The following ZNF251 variants were observed in gnomAD, a reference collection of about 807,000 sequenced individuals.
ZNF251 encodes zinc finger protein 251.
In ZNF251, 14 loss-of-function variants were observed where a neutral mutation model predicts 13.5. The observed-to-expected ratio is 1.04, with a 90% CI of 0.69 to 1.63. The LOEUF is 1.63. ZNF251 is among the 40% of genes most tolerant of loss of function. The probability of loss-of-function intolerance (pLI) is 0.00; values close to 1 mark genes in which losing one functional copy is unlikely to be tolerated. For synonymous variants in ZNF251, 287 were observed against 295.2 expected, an observed-to-expected ratio of 0.97 and a Z score of 0.28; for missense variants, 764 against 834.9, an observed-to-expected ratio of 0.92 and a Z score of 1.05.
chr8:144,724,658 G>A (rs1055618289), intron 4 of ZNF251, among the ~76,000 whole-genome samples: 2 of 152,248 alleles, frequency 1.3e-5, no homozygotes, highest in Non-Finnish European at 2.9e-5. Flanking sequence ...TAATTGGGGG[G>A]AAACAAGGAA....
rs1334247504 is a variant in ZNF251 at position 144,722,376 on chromosome 8, T to C, written c.1284A>G (p.Thr428=). ...CATTACAAACATAGGGTTTTTCTCC[T>C]GTGTGAATCCTTACGTGTTCAGTAA... ...SHLTEHVRIH[T]GEKPYVCNEC... Residue 428 remains threonine, a synonymous_variant, in exon 5 of 5, where the codon ACA becomes ACG. Coordinates refer to ENST00000292562, the MANE Select transcript of ZNF251 (RefSeq NM_138367.2). This position sits in a 1 kb window ranked among gnomAD's most constrained non-coding sequence, Gnocchi z 4.8. 4 of 1,613,942 alleles carry C rather than the reference T, an allele frequency of 2.5e-6. No individual in the cohort carries two copies. Among genetic ancestry groups the C allele is most frequent in the Non-Finnish European group, 3.4e-6 (4 of 1,179,862 alleles).
chr8:144,737,893 G>C (rs28633146), intron 4 of ZNF251, among the ~76,000 whole-genome samples: 3 of 149,144 alleles, frequency 2.0e-5, no homozygotes, highest in Non-Finnish European at 4.4e-5. Context: ...ATAAAATACA[G>C]GGGCCGGTGC....
At chr8:144,751,163 T>C (rs1413590525) in intron 4 of ZNF251, among the ~76,000 whole-genome samples, 2 of 152,182 alleles carry the variant, frequency 1.3e-5, no homozygotes, top group Non-Finnish European at 2.9e-5. Flanking sequence ...CTCTCCAATT[T>C]TGAGAGCAGT....
chr8:144,748,163 T>C (rs1221903360), intron 4 of ZNF251, among the ~76,000 whole-genome samples: 2 of 152,054 alleles, frequency 1.3e-5, no homozygotes, highest in African/African-American at 4.8e-5. Context: ...AACCTCCATC[T>C]CCCAGGTTCA....
intron 4 of ZNF251, among the ~76,000 whole-genome samples, chr8:144,731,330 G>A (rs1823688416): frequency 6.6e-6 from 1 of 152,190 alleles, no homozygotes; most frequent in Non-Finnish European, 1.5e-5. Context: ...AAAAGTGTGT[G>A]TTTCCTCAAT....
At chr8:144,737,176 C>T (rs2129984988) in intron 4 of ZNF251, among the ~76,000 whole-genome samples, 1 of 152,234 alleles carries the variant, frequency 6.6e-6, no homozygotes, top group Non-Finnish European at 1.5e-5. Flanking sequence ...CAGCTCATGG[C>T]AGTCTTGACC....
chr8:144,747,099 G>A (rs1216709871), intron 4 of ZNF251, among the ~76,000 whole-genome samples: 1 of 152,144 alleles, frequency 6.6e-6, no homozygotes, highest in East Asian at 1.9e-4. Flanking sequence ...TGCAGTCAAT[G>A]CTATAAATTT....
At chr8:144,753,563 G>A (rs1824803746) in intron 4 of ZNF251, 120 bp downstream of exon 4, 1 of 696,710 alleles carries the variant, frequency 1.4e-6, no homozygotes, top group African/African-American at 1.8e-5. Context: ...CTGTATCTGT[G>A]AGACTGCCCC....
Position 144,754,798 on chromosome 8 carries a change from A to G in ZNF251, c.-70T>C, listed in dbSNP as rs1824880162. 24 of 1,576,148 alleles carry G rather than the reference A, an allele frequency of 1.5e-5. No individual in the cohort carries two copies. The South Asian group carries it at 1.9e-4, about 12-fold the overall frequency. On this transcript the variant is annotated 5_prime_UTR_variant, in exon 2 of 5. Coordinates refer to ENST00000292562, the MANE Select transcript of ZNF251 (RefSeq NM_138367.2). ...CTGCCCTGGCCTGAAGTCTCCCCGAACTTACCTTCAGTGGGGAGAACTCAG... is the reference window on the plus strand; with the variant it reads ...CTGCCCTGGCCTGAAGTCTCCCCGAGCTTACCTTCAGTGGGGAGAACTCAG...
At chr8:144,754,083 C>G in intron 3 of ZNF251, 109 bp downstream of exon 3, 1 of 1,436,038 alleles carries the variant, frequency 7.0e-7, no homozygotes, top group Non-Finnish European at 9.3e-7. Context: ...GACTGATACC[C>G]GGGGACAAGG....
In ZNF251 at chr8:144,731,127, C is replaced by T. The variant is rs149147848; in HGVS notation, c.278-7745G>A. On this transcript the variant is annotated intron_variant, in intron 4 of 4. Transcript: ENST00000292562. ...GGGTTCACTACACTGACGTCATCCA[C>T]GGGATGCCTGGGCCATGAGCTAAGG... Among the ~76,000 whole-genome samples, 911 of 152,334 alleles carry T rather than the reference C, an allele frequency of 6.0e-3. 7 individuals are homozygous for T. The highest frequency in any genetic ancestry group is 0.021 in the African/African-American group (859 of 41,568).
intron 4 of ZNF251, among the ~76,000 whole-genome samples, chr8:144,732,949 G>T (rs1369721851): frequency 8.6e-5 from 13 of 151,282 alleles, no homozygotes; most frequent in Non-Finnish European, 1.9e-4. Context: ...AGGCCAGGCG[G>T]GGTGGCTCAC....
chr8:144,738,897 T>C (rs1824026685), intron 4 of ZNF251, among the ~76,000 whole-genome samples: 1 of 152,086 alleles, frequency 6.6e-6, no homozygotes, highest in Admixed American at 6.6e-5. Flanking sequence ...CCTAAGGGCT[T>C]CCTCACTTTA....
At chr8:144,737,556 CAGT>C (rs1823951612) in intron 4 of ZNF251, among the ~76,000 whole-genome samples, 1 of 151,620 alleles carries the variant, frequency 6.6e-6, no homozygotes, top group Non-Finnish European at 1.5e-5. Context: ...AGGCTGGGCG[CAGT>C]GGCTCACACC....
At chr8:144,748,079 A>G (rs949633518) in intron 4 of ZNF251, among the ~76,000 whole-genome samples, 1 of 142,548 alleles carries the variant, frequency 7.0e-6, no homozygotes, top group Non-Finnish European at 1.5e-5. Context: ...TGACAACCTC[A>G]CTTTTTTTTT....
intron 4 of ZNF251, among the ~76,000 whole-genome samples, chr8:144,733,240 GT>G (rs897165348): frequency 2.0e-4 from 31 of 152,064 alleles, no homozygotes; most frequent in Admixed American, 1.4e-3. Flanking sequence ...AAACAAAAAT[GT>G]TGATAAAATA....
chr8:144,728,232 C>T (rs1460463712), intron 4 of ZNF251, among the ~76,000 whole-genome samples: 2 of 152,094 alleles, frequency 1.3e-5, no homozygotes, highest in African/African-American at 4.8e-5. Context: ...TAGGGAATGG[C>T]TGATCAGTGG....
chr8:144,723,170 C>CT lies in ZNF251; in HGVS notation c.489dup (p.Val164SerfsTer21). 6.2e-7 allele frequency: 1 copy of CT among 1,612,518 alleles called. No individual in the cohort carries two copies. The highest frequency in any genetic ancestry group is 8.5e-7 in the Non-Finnish European group (1 of 1,179,150). On this transcript the variant is annotated frameshift_variant, in exon 5 of 5. Coordinates refer to ENST00000292562, the MANE Select transcript of ZNF251 (RefSeq NM_138367.2). LOFTEE classifies it low-confidence loss of function (END_TRUNC). ...CTGCCCACGGTAGCTTCTGTTAAAA[C>CT]TCTCTTGTGAATATTGGGTTTGTTC...
intron 4 of ZNF251, among the ~76,000 whole-genome samples, chr8:144,723,719 A>T (rs1823437750): frequency 6.6e-6 from 1 of 152,220 alleles, no homozygotes; most frequent in Non-Finnish European, 1.5e-5. Context: ...CATGAAGCTT[A>T]TGTTCTACTC....
Sources: gnomAD v4.1 joint callset for allele counts (sites outside exome capture counted in the v4.1 genomes callset) on GRCh38, gnomAD v4.1.1 for gene constraint, Gnocchi (gnomAD v3.1) non-coding constraint, MANE v1.5 for transcripts, NCBI Gene and HGNC (gene_info 2026-07-23, HGNC 2026-07-21) for gene names.